PTPRD: variants seen among roughly 807,000 people sequenced by gnomAD.
The protein encoded by PTPRD is protein tyrosine phosphatase receptor type D, also known as receptor-type tyrosine-protein phosphatase delta.
PTPRD carries 34 observed loss-of-function variants against 214.5 expected under a neutral mutation model. The observed-to-expected ratio is 0.16, with a 90% CI of 0.12 to 0.21. The LOEUF is 0.21. PTPRD is among the 10% of genes least tolerant of loss of function. The pLI, the probability that PTPRD is intolerant of heterozygous loss-of-function variation, is 1.00. For missense variants in PTPRD, 2,545 were observed against 2,398.7 expected, an observed-to-expected ratio of 1.06 and a Z score of -1.27; for synonymous variants, 1,128 against 845.7, an observed-to-expected ratio of 1.33 and a Z score of -5.79.
intron 7 of PTPRD, among the ~76,000 whole-genome samples, chr9:9,638,751 A>G (rs983879653): frequency 6.6e-6 from 1 of 152,124 alleles, no homozygotes; most frequent in Non-Finnish European, 1.5e-5. Flanking sequence ...TGCTACTATA[A>G]CAGATTACCG....
intron 11 of PTPRD, among the ~76,000 whole-genome samples, chr9:8,808,293 C>T (rs2096728038): frequency 6.6e-6 from 1 of 152,130 alleles, no homozygotes; most frequent in Non-Finnish European, 1.5e-5. Flanking sequence ...CTCCCATTTG[C>T]TCCCTCCACC....
chr9:9,926,755 G>C (rs531532923), intron 5 of PTPRD, among the ~76,000 whole-genome samples: 64 of 152,122 alleles, frequency 4.2e-4, no homozygotes, highest in Non-Finnish European at 3.2e-4. Flanking sequence ...ACTTATGCAA[G>C]TGTTTTGAGA....
At chr9:9,447,885 G>A (rs935480715) in intron 8 of PTPRD, among the ~76,000 whole-genome samples, 2 of 152,068 alleles carry the variant, frequency 1.3e-5, no homozygotes, top group South Asian at 2.1e-4. Context: ...GGTCAGTGCC[G>A]TTGGGCCAGA....
intron 34 of PTPRD, among the ~76,000 whole-genome samples, chr9:8,437,996 G>T (rs1195196159): frequency 6.6e-6 from 1 of 152,048 alleles, no homozygotes; most frequent in Non-Finnish European, 1.5e-5. Context: ...ATAAATTCCA[G>T]CTGGCTACAA....
chr9:8,683,038 C>G (rs1400607794), intron 12 of PTPRD, among the ~76,000 whole-genome samples: 1 of 152,150 alleles, frequency 6.6e-6, no homozygotes, highest in Non-Finnish European at 1.5e-5. Flanking sequence ...CCAACAGTTA[C>G]CTTAATCACT....
intron 11 of PTPRD, among the ~76,000 whole-genome samples, chr9:8,962,538 A>AAGAG (rs34968070): frequency 8.7e-4 from 131 of 149,740 alleles, no homozygotes; most frequent in East Asian, 4.0e-3. Flanking sequence ...AGAAGAGAGA[A>AAGAG]AGAGAGAGAG....
chr9:10,446,037 A>G (rs1291442321), intron 2 of PTPRD, among the ~76,000 whole-genome samples: 1 of 152,008 alleles, frequency 6.6e-6, no homozygotes, highest in Non-Finnish European at 1.5e-5. Flanking sequence ...GATTCTTAAC[A>G]CAGGATCCAG....
Position 9,475,972 on chromosome 9 carries a change from A to G in PTPRD, c.-236-78490T>C, listed in dbSNP as rs545918841. Among the ~76,000 whole-genome samples, 20 of 152,308 alleles carry G rather than the reference A, an allele frequency of 1.3e-4. 1 individual carries two copies. The highest frequency in any genetic ancestry group is 3.9e-4 in the Admixed American group (6 of 15,304). Reference sequence around the variant, plus strand: ...CACTTCTTAAATTAAAATCTTAGGTAGAACTCCACTACATTAAAAAGAGAA... The same window carrying G: ...CACTTCTTAAATTAAAATCTTAGGTGGAACTCCACTACATTAAAAAGAGAA... On this transcript the variant is annotated intron_variant, in intron 8 of 45. Transcript: ENST00000381196.
At chr9:9,112,300 C>A (rs112992368) in intron 10 of PTPRD, among the ~76,000 whole-genome samples, 2 of 152,250 alleles carry the variant, frequency 1.3e-5, no homozygotes, top group African/African-American at 4.8e-5. Flanking sequence ...AGGGATGTCT[C>A]TGGATGACTG....
intron 5 of PTPRD, among the ~76,000 whole-genome samples, chr9:9,894,525 A>T (rs1389897446): frequency 6.6e-6 from 1 of 151,784 alleles, no homozygotes; most frequent in East Asian, 1.9e-4. Context: ...TTCTTTTCAT[A>T]TTTGTCTAAT....
Position 8,643,384 on chromosome 9 carries a change from AG to A in PTPRD, c.65-6541del, listed in dbSNP as rs2096618424. 2.7e-5 allele frequency among the ~76,000 whole-genome samples: 4 copies of A among 149,980 alleles called. No homozygotes were observed. In the South Asian group the frequency reaches 8.3e-4, roughly 31 times the overall value. The stretch of plus-strand genomic sequence containing the variant: ...AAGGAAGGAAGGAAGGCAGGAAGAA[AG>A]AAAGGAAGGAAGGAAAATATATGAA... On this transcript the variant is annotated intron_variant, in intron 12 of 45. Coordinates refer to ENST00000381196, the MANE Select transcript of PTPRD (RefSeq NM_002839.4).
intron 10 of PTPRD, among the ~76,000 whole-genome samples, chr9:9,117,954 G>C (rs557507462): frequency 6.6e-6 from 1 of 151,882 alleles, no homozygotes; most frequent in Non-Finnish European, 1.5e-5. Flanking sequence ...CTGTTTTTTT[G>C]GAAAAATAAA....
intron 10 of PTPRD, among the ~76,000 whole-genome samples, chr9:9,023,571 T>A (rs745865919): frequency 6.6e-6 from 1 of 152,022 alleles, no homozygotes; most frequent in Admixed American, 6.6e-5. Context: ...ATACAAGGGG[T>A]CCATGTGCAG....
intron 2 of PTPRD, among the ~76,000 whole-genome samples, chr9:10,518,090 C>A (rs1422578186): frequency 6.6e-6 from 1 of 152,114 alleles, no homozygotes; most frequent in Admixed American, 6.5e-5. Context: ...GACCTCAATC[C>A]ATTGTTCTAT....
chr9:10,390,254 A>C (rs1387350035), intron 2 of PTPRD, among the ~76,000 whole-genome samples: 1 of 151,804 alleles, frequency 6.6e-6, no homozygotes, highest in African/African-American at 2.4e-5. Context: ...AAATCATACC[A>C]TGTGGTCTTA....
intron 3 of PTPRD, among the ~76,000 whole-genome samples, chr9:10,064,982 A>T (rs1426361557): frequency 6.6e-6 from 1 of 151,918 alleles, no homozygotes; most frequent in African/African-American, 2.4e-5. Context: ...GTCAATAGTG[A>T]TTTGAATTTT....
intron 12 of PTPRD, among the ~76,000 whole-genome samples, chr9:8,718,873 G>C (rs1050072372): frequency 5.9e-5 from 9 of 152,106 alleles, no homozygotes; most frequent in African/African-American, 1.9e-4. Context: ...TGTTATTTCC[G>C]AGCGTTTGCT....
intron 3 of PTPRD, among the ~76,000 whole-genome samples, chr9:10,239,951 C>T (rs1421887804): frequency 1.3e-5 from 2 of 151,762 alleles, no homozygotes; most frequent in Admixed American, 6.6e-5. Context: ...CTCTCTCCAC[C>T]TCTTCCTGAG....
intron 2 of PTPRD, among the ~76,000 whole-genome samples, chr9:10,611,181 G>C (rs2080871599): frequency 6.6e-6 from 1 of 152,038 alleles, no homozygotes; most frequent in Non-Finnish European, 1.5e-5. Context: ...AAAGATAAAA[G>C]GGATAAACTT....
Sources: allele counts gnomAD v4.1 joint callset (sites outside exome capture counted in the v4.1 genomes callset), GRCh38; gene constraint gnomAD v4.1.1; transcripts MANE v1.5; gene names NCBI Gene and HGNC (gene_info 2026-07-23, HGNC 2026-07-21).